SEPTIN11: variants seen among roughly 807,000 people sequenced by gnomAD.
SEPTIN11 encodes septin 11.
In SEPTIN11, 25 loss-of-function variants were observed where a neutral mutation model predicts 51.4. That is an observed-to-expected ratio of 0.49 (90% CI 0.35 to 0.68). The LOEUF is 0.68. SEPTIN11 is among the 30% of genes least tolerant of loss of function. The pLI is 0.00. For synonymous variants in SEPTIN11, 174 were observed against 184.1 expected (o/e 0.95, Z 0.44); for missense variants, 381 against 520.8 (o/e 0.73, Z 2.61).
intron 1 of SEPTIN11, among the ~76,000 whole-genome samples, chr4:76,967,674 A>G (rs1021909912): frequency 6.6e-6 from 1 of 152,208 alleles, no homozygotes; most frequent in African/African-American, 2.4e-5. Context: ...GCCAATTTGC[A>G]ATCTGATTTC....
chr4:76,959,951 T>C (rs1260444313), intron 1 of SEPTIN11, among the ~76,000 whole-genome samples: 1 of 152,168 alleles, frequency 6.6e-6, no homozygotes, highest in Non-Finnish European at 1.5e-5. Context: ...TCAGGGTAAA[T>C]GGGGTGTCCA....
At chr4:76,980,469 T>C (rs1403381349) in intron 1 of SEPTIN11, among the ~76,000 whole-genome samples, 1 of 152,208 alleles carries the variant, frequency 6.6e-6, no homozygotes, top group African/African-American at 2.4e-5. Flanking sequence ...CTTGTTTCCT[T>C]ATATCGGTGG....
At position 76,985,817 on chromosome 4, in the gene SEPTIN11, G is replaced by C. The variant is rs1037113408; in HGVS notation, c.28-10608G>C. Among the ~76,000 whole-genome samples the C allele has an allele frequency of 5.9e-5, 9 of 152,326 alleles. No homozygotes were observed. The East Asian group carries it at 1.7e-3, about 29-fold the overall frequency. On this transcript the variant is annotated intron_variant, in intron 1 of 9. Coordinates refer to ENST00000264893, the MANE Select transcript of SEPTIN11 (RefSeq NM_018243.4). Reference sequence around the variant, plus strand: ...TGTTTCCTTATCTGAAAATGAGAAGGTTGGAGAGTATGACTTCTGTTGAAA... The same window carrying C: ...TGTTTCCTTATCTGAAAATGAGAAGCTTGGAGAGTATGACTTCTGTTGAAA...
At chr4:76,988,359 T>C (rs1194844758) in intron 1 of SEPTIN11, among the ~76,000 whole-genome samples, 3 of 152,242 alleles carry the variant, frequency 2.0e-5, no homozygotes, top group Admixed American at 2.0e-4. Context: ...TTTTTCATCA[T>C]GGTATCCTTA....
rs1298365082 is a variant in SEPTIN11 at position 76,966,725 on chromosome 4, G to T, written c.27+16795G>T. On this transcript the variant is annotated intron_variant, in intron 1 of 9. Transcript: ENST00000264893. ...AAAAAATACAAGAATTAGCTGGGAG[G>T]TGGTGGCGCTCACCTGTTGTCCCAG... is the stretch of plus-strand genomic sequence containing the variant. 2.6e-5 allele frequency among the ~76,000 whole-genome samples: 4 copies of T among 151,900 alleles called. No individual in the cohort carries two copies. The East Asian group carries it at 5.8e-4, about 22-fold the overall frequency.
intron 1 of SEPTIN11, among the ~76,000 whole-genome samples, chr4:76,966,619 T>C (rs1302743347): frequency 1.3e-5 from 2 of 151,736 alleles, no homozygotes; most frequent in Non-Finnish European, 2.9e-5. Flanking sequence ...CCCAGCACTT[T>C]GGGAGGCCGA....
At chr4:76,965,868 A>C (rs1053289780) in intron 1 of SEPTIN11, among the ~76,000 whole-genome samples, 1 of 152,172 alleles carries the variant, frequency 6.6e-6, no homozygotes, top group Non-Finnish European at 1.5e-5. Context: ...TGGTAAAAGG[A>C]TCTTGTATCA....
At chr4:77,034,293 T>C (rs1726882155) in intron 9 of SEPTIN11, among the ~76,000 whole-genome samples, 1 of 152,222 alleles carries the variant, frequency 6.6e-6, no homozygotes, top group Admixed American at 6.5e-5. Flanking sequence ...AAACTAACCA[T>C]ATGTCTTTAA....
intron 9 of SEPTIN11, 23 bp downstream of exon 9, chr4:77,030,993 T>C: frequency 6.3e-7 from 1 of 1,580,328 alleles, no homozygotes; most frequent in Non-Finnish European, 8.5e-7. Flanking sequence ...CACCCCCCTG[T>C]ATCGGGGACC....
chr4:77,013,867 G>A (rs1168305225), intron 4 of SEPTIN11, among the ~76,000 whole-genome samples: 1 of 152,218 alleles, frequency 6.6e-6, no homozygotes, highest in Non-Finnish European at 1.5e-5. Context: ...TGAACTGGGT[G>A]AAGATCATAG....
chr4:76,972,653 A>C (rs1372616739), intron 1 of SEPTIN11: 2 of 152,222 alleles, frequency 1.3e-5, no homozygotes, highest in Non-Finnish European at 2.9e-5. Context: ...AAAAACAAGC[A>C]AGGGAGCCCT....
At chr4:76,962,435 C>A (rs1721861253) in intron 1 of SEPTIN11, among the ~76,000 whole-genome samples, 1 of 152,190 alleles carries the variant, frequency 6.6e-6, no homozygotes, top group African/African-American at 2.4e-5. Context: ...TTGTACTTAA[C>A]AAAACATTTC....
intron 1 of SEPTIN11, among the ~76,000 whole-genome samples, chr4:76,990,385 C>G (rs929989986): frequency 6.6e-6 from 1 of 152,164 alleles, no homozygotes; most frequent in Non-Finnish European, 1.5e-5. Context: ...GGAAGGCCAG[C>G]TGGCTTCACG....
At chr4:76,995,576 T>C (rs938679473) in intron 1 of SEPTIN11, among the ~76,000 whole-genome samples, 3 of 152,082 alleles carry the variant, frequency 2.0e-5, no homozygotes, top group Admixed American at 1.3e-4. Context: ...AACCATGATA[T>C]TATAACTGAG....
chr4:76,954,028 C>G (rs868179879), intron 1 of SEPTIN11, among the ~76,000 whole-genome samples: 4 of 152,132 alleles, frequency 2.6e-5, no homozygotes, highest in Non-Finnish European at 2.9e-5. Flanking sequence ...TTGAATAATA[C>G]TCTTAAAATG....
At chr4:76,957,367 C>G (rs1303624366) in intron 1 of SEPTIN11, among the ~76,000 whole-genome samples, 1 of 152,066 alleles carries the variant, frequency 6.6e-6, no homozygotes, top group East Asian at 1.9e-4. Context: ...TAGTGTATAG[C>G]GTTTGGGTGA....
In SEPTIN11 at chr4:76,963,508, G is replaced by A. The variant is rs1000677588; in HGVS notation, c.27+13578G>A. ...TTTACACCTTCTTCTACCATGTAGAGATACCACCCTAGGCTGCAGAACACT... is the reference window on the plus strand; with the variant it reads ...TTTACACCTTCTTCTACCATGTAGAAATACCACCCTAGGCTGCAGAACACT... On this transcript the variant is annotated intron_variant, in intron 1 of 9. Coordinates refer to ENST00000264893, the MANE Select transcript of SEPTIN11 (RefSeq NM_018243.4). Among the ~76,000 whole-genome samples, 10 of 152,318 alleles carry A rather than the reference G, an allele frequency of 6.6e-5. No homozygotes were observed. The South Asian group carries it at 2.1e-3, about 32-fold the overall frequency.
chr4:77,012,086 AAAAAT>A (rs1244523738), intron 4 of SEPTIN11, among the ~76,000 whole-genome samples, 165 bp downstream of exon 4: 2 of 148,608 alleles, frequency 1.3e-5, no homozygotes, highest in Non-Finnish European at 3.0e-5. Context: ...CCTGTTAGAC[AAAAAT>A]AAAATAAAAC....
intron 2 of SEPTIN11, among the ~76,000 whole-genome samples, chr4:77,003,876 G>T (rs908238911): frequency 1.3e-5 from 2 of 152,152 alleles, no homozygotes; most frequent in Non-Finnish European, 2.9e-5. Context: ...AAGAGGGGAT[G>T]CTCCTAGGAA....
Sources: allele counts gnomAD v4.1 joint callset (sites outside exome capture counted in the v4.1 genomes callset), GRCh38; gene constraint gnomAD v4.1.1; transcripts MANE v1.5; gene names NCBI Gene and HGNC (gene_info 2026-07-23, HGNC 2026-07-21).